The following DLG2 variants were observed in gnomAD, a reference collection of about 807,000 sequenced individuals.
DLG2 encodes the protein disks large homolog 2.
DLG2 carries 45 observed loss-of-function variants against 132.5 expected under a neutral mutation model. The ratio of observed to expected loss-of-function variants is 0.34; its 90% CI spans 0.27 to 0.44. The LOEUF is 0.44. Ranked by LOEUF, DLG2 falls within the 20% of genes least tolerant of loss-of-function variation. DLG2 has a pLI of 1.00. For missense variants in DLG2, 1,045 were observed against 1,196.9 expected (o/e 0.87, Z 1.87); for synonymous variants, 424 against 419.6 (o/e 1.01, Z -0.13).
intron 6 of DLG2, among the ~76,000 whole-genome samples, chr11:84,717,949 A>G (rs1024278376): frequency 6.6e-6 from 1 of 152,110 alleles, no homozygotes; most frequent in Non-Finnish European, 1.5e-5. Flanking sequence ...AATAGTAAGT[A>G]TAAAATTTAG....
intron 16 of DLG2, among the ~76,000 whole-genome samples, chr11:83,853,721 G>A (rs2060112554): frequency 1.3e-5 from 2 of 152,032 alleles, no homozygotes; most frequent in Admixed American, 6.6e-5. Flanking sequence ...AGGAATAGGG[G>A]AACTCCTCAA....
chr11:84,732,712 T>C (rs937964595), intron 6 of DLG2, among the ~76,000 whole-genome samples: 10 of 152,082 alleles, frequency 6.6e-5, no homozygotes, highest in Non-Finnish European at 1.0e-4. Flanking sequence ...GTTATGTATG[T>C]ATACATGTGC....
intron 21 of DLG2, among the ~76,000 whole-genome samples, chr11:83,487,418 C>T (rs977131326): frequency 5.3e-5 from 8 of 152,004 alleles, no homozygotes; most frequent in Non-Finnish European, 4.4e-5. Context: ...GAAGTTAGTA[C>T]CATCATTATT....
chr11:85,081,154 A>C lies in DLG2; in HGVS notation c.357+30507T>G, dbSNP rs527752997. 5.3e-4 allele frequency among the ~76,000 whole-genome samples: 80 copies of C among 152,304 alleles called. 1 individual carries two copies. The highest frequency in any genetic ancestry group is 3.4e-3 in the Middle Eastern group (1 of 294). On this transcript the variant is annotated intron_variant, in intron 6 of 27. Coordinates refer to ENST00000376104, the MANE Select transcript of DLG2 (RefSeq NM_001142699.3). ...AAAGGAAAAAATAAAGACCCTCTGC[A>C]GTGACTTCTTTTCCTTATGCGGAGC... is the stretch of plus-strand genomic sequence containing the variant.
rs895550622 is a variant in DLG2, at chr11:83,962,578, C to T, written c.1340+307G>A. Among the ~76,000 whole-genome samples, 6 of 152,206 alleles carry T rather than the reference C, an allele frequency of 3.9e-5. No individual in the cohort carries two copies. In the South Asian group the frequency reaches 6.2e-4, roughly 16 times the overall value. ...TTGAATCTCAGCACTATCTTCTCTT[C>T]TCAAGTATTAATACTTACCTTACAC... On this transcript the variant is annotated intron_variant, in intron 14 of 27. Transcript: ENST00000376104.
At chr11:84,954,940 G>T (rs1327667768) in intron 6 of DLG2, among the ~76,000 whole-genome samples, 1 of 152,148 alleles carries the variant, frequency 6.6e-6, no homozygotes, top group Non-Finnish European at 1.5e-5. Flanking sequence ...TTTCTGTAAA[G>T]GCCAGTTAGT....
At chr11:84,618,473 A>T (rs532061097) in intron 6 of DLG2, among the ~76,000 whole-genome samples, 1 of 152,184 alleles carries the variant, frequency 6.6e-6, no homozygotes, top group East Asian at 1.9e-4. Context: ...GCAAGACCAA[A>T]CCAAATGACA....
chr11:84,983,383 G>C (rs1030348339), intron 6 of DLG2, among the ~76,000 whole-genome samples: 3 of 152,106 alleles, frequency 2.0e-5, no homozygotes, highest in African/African-American at 7.2e-5. Context: ...AGATCCAGAA[G>C]AGAGATAGCA....
At chr11:84,255,133 T>C (rs1389219229) in intron 7 of DLG2, among the ~76,000 whole-genome samples, 1 of 152,132 alleles carries the variant, frequency 6.6e-6, no homozygotes, top group African/African-American at 2.4e-5. Context: ...TTCTCACCAG[T>C]TGGTAATTCC....
chr11:83,857,724 A>C (rs1489179709), intron 16 of DLG2, among the ~76,000 whole-genome samples: 2 of 152,208 alleles, frequency 1.3e-5, no homozygotes, highest in Non-Finnish European at 2.9e-5. Context: ...CAATTCTAAC[A>C]AATGTACTTC....
chr11:84,514,743 C>G (rs2099267555), intron 7 of DLG2, among the ~76,000 whole-genome samples: 1 of 151,854 alleles, frequency 6.6e-6, no homozygotes, highest in Admixed American at 6.6e-5. Flanking sequence ...AATAAGAATA[C>G]TGTTTGACAG....
intron 6 of DLG2, among the ~76,000 whole-genome samples, chr11:84,811,086 C>T (rs1023868463): frequency 2.6e-5 from 4 of 152,100 alleles, no homozygotes; most frequent in Non-Finnish European, 5.9e-5. Flanking sequence ...TATAGGGGAT[C>T]TAACGCTCTG....
At chr11:84,651,943 A>G (rs1364425961) in intron 6 of DLG2, among the ~76,000 whole-genome samples, 1 of 152,208 alleles carries the variant, frequency 6.6e-6, no homozygotes, top group Non-Finnish European at 1.5e-5. Context: ...AATTATTGGA[A>G]GGCGGAGGAG....
At chr11:83,725,103 T>C (rs866373412) in intron 18 of DLG2, 3 of 552,044 alleles carry the variant, frequency 5.4e-6, no homozygotes, top group Middle Eastern at 6.4e-4. Flanking sequence ...ATTTGAAAGA[T>C]GGGATTATTT....
chr11:84,540,116 A>G (rs1417986136), intron 6 of DLG2, among the ~76,000 whole-genome samples: 3 of 152,204 alleles, frequency 2.0e-5, no homozygotes, highest in Admixed American at 2.0e-4. Flanking sequence ...AATACCACTC[A>G]GGACATAGGC....
intron 7 of DLG2, chr11:84,273,416 A>T (rs2097756183): frequency 8.3e-7 from 1 of 1,208,048 alleles, no homozygotes; most frequent in Non-Finnish European, 1.1e-6. Context: ...TAATCAGAAC[A>T]TTTCTTTTGG....
chr11:83,815,127 AGT>A (rs920088793), intron 17 of DLG2: 6 of 153,988 alleles, frequency 3.9e-5, no homozygotes, highest in African/African-American at 1.4e-4. Context: ...ACTAAATTAA[AGT>A]GTTTCACCTT....
chr11:84,108,490 T>G (rs1316502722), intron 9 of DLG2, among the ~76,000 whole-genome samples: 1 of 151,932 alleles, frequency 6.6e-6, no homozygotes, highest in East Asian at 1.9e-4. Flanking sequence ...AGGAGTATGA[T>G]GTGAGGTAGT....
chr11:83,945,933 C>T (rs780555211), intron 14 of DLG2, among the ~76,000 whole-genome samples: 29 of 145,720 alleles, frequency 2.0e-4, no homozygotes, highest in Non-Finnish European at 1.3e-4. Context: ...TCCTTCCTTC[C>T]GTCCTTCCTT....
Sources: gnomAD v4.1 joint callset for allele counts (sites outside exome capture counted in the v4.1 genomes callset) on GRCh38, gnomAD v4.1.1 for gene constraint, MANE v1.5 for transcripts, NCBI Gene and HGNC (gene_info 2026-07-23, HGNC 2026-07-21) for gene names.